SYNDIG1L: variants seen among roughly 807,000 people sequenced by gnomAD.
The protein encoded by SYNDIG1L is synapse differentiation-inducing gene protein 1-like.
Under a neutral mutation model 20.1 loss-of-function variants are expected in SYNDIG1L, and 13 were observed. The ratio of observed to expected loss-of-function variants is 0.65; its 90% CI spans 0.42 to 1.03. The LOEUF is 1.03. Ranked by LOEUF, SYNDIG1L falls within the 50% of genes least tolerant of loss-of-function variation. The probability of loss-of-function intolerance (pLI) is 0.00; values close to 1 mark genes in which losing one functional copy is unlikely to be tolerated. For synonymous variants in SYNDIG1L, 128 were observed against 129.3 expected (o/e 0.99, Z 0.07); for missense variants, 294 against 305.1 (o/e 0.96, Z 0.27).
At chr14:74,445,841 C>T in the SYNDIG1L span, among the ~76,000 whole-genome samples, 1 of 152,136 alleles carries the variant, frequency 6.6e-6, no homozygotes, top group Non-Finnish European at 1.5e-5. Context: ...TGTGTTTGTA[C>T]AAATATGTCT....
At chr14:74,421,939 C>T (rs958101327) in intron 1 of SYNDIG1L, among the ~76,000 whole-genome samples, 6 of 152,200 alleles carry the variant, frequency 3.9e-5, no homozygotes, top group African/African-American at 1.4e-4. Flanking sequence ...GCCAGACTGG[C>T]CTCTCCTTTA....
chr14:74,476,435 G>T, the SYNDIG1L span: 1 of 1,098,540 alleles, frequency 9.1e-7, no homozygotes, highest in Non-Finnish European at 1.3e-6. Flanking sequence ...CTGCTAGAAG[G>T]GAGCCGTCCT....
the SYNDIG1L span, among the ~76,000 whole-genome samples, chr14:74,465,602 G>T: frequency 6.6e-6 from 1 of 152,232 alleles, no homozygotes; most frequent in African/African-American, 2.4e-5. Flanking sequence ...AAATCAGATA[G>T]GTGGGTGGGT....
At chr14:74,457,375 A>T in the SYNDIG1L span, among the ~76,000 whole-genome samples, 1 of 151,910 alleles carries the variant, frequency 6.6e-6, no homozygotes, top group Non-Finnish European at 1.5e-5. Context: ...TCAATAAGCC[A>T]TCAATATCCT....
the SYNDIG1L span, among the ~76,000 whole-genome samples, chr14:74,453,041 G>C: frequency 6.6e-6 from 1 of 152,048 alleles, no homozygotes; most frequent in Non-Finnish European, 1.5e-5. Flanking sequence ...CTCATCTATA[G>C]TGACACAAAG....
At chr14:74,449,625 A>AAAAAAGAAAAAAG in the SYNDIG1L span, among the ~76,000 whole-genome samples, 1 of 149,398 alleles carries the variant, frequency 6.7e-6, no homozygotes, top group Non-Finnish European at 1.5e-5. Flanking sequence ...AAAAAAAAAG[A>AAAAAAGAAAAAAG]AAAAAGAAAA....
chr14:74,439,537 C>G, the SYNDIG1L span, among the ~76,000 whole-genome samples: 2 of 152,046 alleles, frequency 1.3e-5, no homozygotes, highest in African/African-American at 4.8e-5. Flanking sequence ...GTTAACTATG[C>G]TGTGAAATGA....
intron 2 of SYNDIG1L, among the ~76,000 whole-genome samples, chr14:74,408,454 C>T (rs2086102580): frequency 6.6e-6 from 1 of 151,586 alleles, no homozygotes; most frequent in African/African-American, 2.4e-5. Flanking sequence ...ATCCCAGCTA[C>T]TTGGGAGGCT....
At position 74,409,364 on chromosome 14, in the gene SYNDIG1L, C is replaced by T; in HGVS notation, c.381G>A (p.Glu127=). Residue 127 remains glutamate, a synonymous_variant, in exon 2 of 4, where the codon GAG becomes GAA. Transcript: ENST00000331628. ...CCTGGTCATCCTCCTGGTCCCGCAGCTCCTCTTGTACCCCATAGGACACAG... is the reference window on the plus strand; with the variant it reads ...CCTGGTCATCCTCCTGGTCCCGCAGTTCCTCTTGTACCCCATAGGACACAG... The part of the protein sequence containing the change: ...IQTVSYGVQE[E]LRDQEDDQEE... The T allele has an allele frequency of 1.9e-6, 3 of 1,582,124 alleles. No homozygotes were observed. Among genetic ancestry groups the T allele is most frequent in the Non-Finnish European group, 2.6e-6 (3 of 1,164,192 alleles).
chr14:74,413,097 G>A (rs2086145428), intron 1 of SYNDIG1L, among the ~76,000 whole-genome samples: 2 of 152,198 alleles, frequency 1.3e-5, no homozygotes, highest in South Asian at 2.1e-4. Flanking sequence ...GGCATTTGAA[G>A]GACAATTGTT....
the SYNDIG1L span, among the ~76,000 whole-genome samples, chr14:74,475,925 G>A: frequency 3.6e-4 from 55 of 152,158 alleles, no homozygotes; most frequent in African/African-American, 1.3e-3. Flanking sequence ...CCTGACAGAG[G>A]CTTTAGTGAT....
the SYNDIG1L span, among the ~76,000 whole-genome samples, chr14:74,460,101 GTGCCTTC>G: frequency 6.6e-6 from 1 of 151,866 alleles, no homozygotes; most frequent in Non-Finnish European, 1.5e-5. Flanking sequence ...GCTTCCCTTT[GTGCCTTC>G]TCAGGTGGAA....
upstream of SYNDIG1L, among the ~76,000 whole-genome samples, chr14:74,427,118 CTTTT>C (rs34437070): frequency 2.2e-4 from 26 of 116,770 alleles, no homozygotes; most frequent in African/African-American, 5.9e-4. Flanking sequence ...CCTGCGTTTC[CTTTT>C]TTTTTTTTTT....
intron 1 of SYNDIG1L, among the ~76,000 whole-genome samples, chr14:74,421,199 A>G (rs1219128538): frequency 6.6e-6 from 1 of 152,232 alleles, no homozygotes; most frequent in Non-Finnish European, 1.5e-5. Flanking sequence ...AAAAGGAGCA[A>G]TTCAAGAACA....
upstream of SYNDIG1L, among the ~76,000 whole-genome samples, chr14:74,430,440 CT>C (rs59843281): frequency 0.52 from 75,724 of 146,934 alleles, 19,491 homozygotes; most frequent in African/African-American, 0.63. Context: ...AATACGCATT[CT>C]TTTTTTTTTT....
At chr14:74,411,023 G>A (rs932768091) in intron 1 of SYNDIG1L, among the ~76,000 whole-genome samples, 2 of 152,184 alleles carry the variant, frequency 1.3e-5, no homozygotes, top group Non-Finnish European at 2.9e-5. Flanking sequence ...ACTGGGTGTG[G>A]CAGGTGCAAG....
Position 74,407,833 on chromosome 14 carries a change from C to A in SYNDIG1L, c.558+16G>T. ...TGACGGGCCAGAGAAGGGACCTGGGCCCCAGGTGCTCTTACCCCCTGGGAG... is the reference window on the plus strand; with the variant it reads ...TGACGGGCCAGAGAAGGGACCTGGGACCCAGGTGCTCTTACCCCCTGGGAG... On this transcript the variant is annotated intron_variant, in intron 3 of 3. Coordinates refer to ENST00000331628, the MANE Select transcript of SYNDIG1L (RefSeq NM_001105579.2). 6.2e-7 allele frequency: 1 copy of A among 1,605,734 alleles called. No individual in the cohort carries two copies. The highest frequency in any genetic ancestry group is 1.1e-5 in the South Asian group (1 of 89,588).
chr14:74,476,544 G>T, the SYNDIG1L span: 1 of 1,535,674 alleles, frequency 6.5e-7, no homozygotes, highest in Non-Finnish European at 8.7e-7. Context: ...AAACACCTGT[G>T]CTCTGTGGCT....
chr14:74,416,069 G>C (rs563359051), intron 1 of SYNDIG1L, among the ~76,000 whole-genome samples: 3 of 152,226 alleles, frequency 2.0e-5, no homozygotes, highest in African/African-American at 7.2e-5. Context: ...GCTCAGGGCT[G>C]GGGGGAGAGG....
Sources: allele counts gnomAD v4.1 joint callset (sites outside exome capture counted in the v4.1 genomes callset), GRCh38; gene constraint gnomAD v4.1.1; transcripts MANE v1.5; gene names NCBI Gene and HGNC (gene_info 2026-07-23, HGNC 2026-07-21).